TBC1D23: variants seen among roughly 807,000 people sequenced by gnomAD.
TBC1D23 encodes the protein TBC1 domain family member 23.
Under a neutral mutation model 91.4 loss-of-function variants are expected in TBC1D23, and 55 were observed. The observed-to-expected ratio is 0.60, with a 90% CI of 0.48 to 0.75. The LOEUF is 0.75. TBC1D23 is among the 30% of genes least tolerant of loss of function. The pLI is 0.00. For missense variants in TBC1D23, 725 were observed against 836.1 expected (o/e 0.87, Z 1.64); for synonymous variants, 289 against 281.0 (o/e 1.03, Z -0.28).
chr3:100,270,861 A>T (rs919495395), intron 1 of TBC1D23, among the ~76,000 whole-genome samples: 2 of 151,834 alleles, frequency 1.3e-5, no homozygotes, highest in East Asian at 1.9e-4. Context: ...CACAATATTA[A>T]TTTTTTTTAA....
chr3:100,301,876 C>G (rs1705439789), intron 10 of TBC1D23, 191 bp from the exon 11 acceptor site: 1 of 482,052 alleles, frequency 2.1e-6, no homozygotes. Flanking sequence ...AACTTTTGTT[C>G]TATTGTATTA....
In TBC1D23 at chr3:100,298,015, A is replaced by G; in HGVS notation, c.969A>G (p.Ser323=). 1 of 1,613,588 alleles carries G rather than the reference A, an allele frequency of 6.2e-7. No individual in the cohort carries two copies. Among genetic ancestry groups the G allele is most frequent in the Non-Finnish European group, 8.5e-7 (1 of 1,179,636 alleles). Residue 323 remains serine, a synonymous_variant, in exon 9 of 19, where the codon TCA becomes TCG. Coordinates refer to ENST00000394144, the MANE Select transcript of TBC1D23 (RefSeq NM_001199198.3). ...CTCTTTGTCTGGCCATCTCCGTGTCAGAGATCCTTCAAGCGAATCAGCTAC... is the reference window on the plus strand; with the variant it reads ...CTCTTTGTCTGGCCATCTCCGTGTCGGAGATCCTTCAAGCGAATCAGCTAC... ...SQALCLAISV[S]EILQANQLQG... is the part of the protein sequence containing the mutation.
At chr3:100,320,490 A>C (rs1465805244) in intron 17 of TBC1D23, among the ~76,000 whole-genome samples, 1 of 152,092 alleles carries the variant, frequency 6.6e-6, no homozygotes, top group Non-Finnish European at 1.5e-5. Flanking sequence ...ATTTCAATAA[A>C]AAATATATTA....
At chr3:100,304,790 A>T (rs1384125850) in intron 11 of TBC1D23, 56 bp from the exon 12 acceptor site, 1 of 866,496 alleles carries the variant, frequency 1.2e-6, no homozygotes, top group East Asian at 2.4e-5. Context: ...AGAACTAGCT[A>T]AAGTTTTAAT....
At chr3:100,315,364 G>A (rs140125322) in intron 15 of TBC1D23, among the ~76,000 whole-genome samples, 8 of 152,030 alleles carry the variant, frequency 5.3e-5, no homozygotes, top group East Asian at 1.9e-4. Flanking sequence ...GTTTCTCCAC[G>A]TTGGTCAGGC....
At chr3:100,321,059 TG>T (rs1311018190) in intron 18 of TBC1D23, 88 bp downstream of exon 18, 11 of 1,000,460 alleles carry the variant, frequency 1.1e-5, no homozygotes, top group Non-Finnish European at 1.6e-5. Flanking sequence ...TTCTTTATTT[TG>T]GGGAATGGAT....
chr3:100,298,289 C>T (rs1021186420), intron 9 of TBC1D23, among the ~76,000 whole-genome samples: 4 of 86,458 alleles, frequency 4.6e-5, no homozygotes, highest in African/African-American at 2.0e-4. Context: ...TTTTGTAAAT[C>T]GCCGTATCTT....
chr3:100,297,890 T>C, intron 8 of TBC1D23, 33 bp from the exon 9 acceptor site: 1 of 1,532,748 alleles, frequency 6.5e-7, no homozygotes, highest in Non-Finnish European at 8.9e-7. Flanking sequence ...TGATTTTTTT[T>C]TTCATAATGT....
In TBC1D23 at chr3:100,288,979, C is replaced by T. The variant is rs150455323; in HGVS notation, c.477-1599C>T. Reference sequence around the variant, plus strand: ...CTGTAATCCCAGCAATTTGGGAGGCCGAGGAGGGAGGATCGCTTGAGCCCA... The same window carrying T: ...CTGTAATCCCAGCAATTTGGGAGGCTGAGGAGGGAGGATCGCTTGAGCCCA... On this transcript the variant is annotated intron_variant, in intron 4 of 18. Coordinates refer to ENST00000394144, the MANE Select transcript of TBC1D23 (RefSeq NM_001199198.3). Among the ~76,000 whole-genome samples, 149 of 152,098 alleles carry T rather than the reference C, an allele frequency of 9.8e-4. 1 individual carries two copies. The highest frequency in any genetic ancestry group is 3.5e-3 in the African/African-American group (146 of 41,480).
At chr3:100,262,782 C>G (rs2067524125) in intron 1 of TBC1D23, among the ~76,000 whole-genome samples, 1 of 145,272 alleles carries the variant, frequency 6.9e-6, no homozygotes, top group Non-Finnish European at 1.5e-5. Context: ...TTTTAATAAT[C>G]TATTTAACAT....
rs1355263154 is a variant in TBC1D23, at chr3:100,304,923, G to T, written c.1306+35G>T. The T allele has an allele frequency of 1.7e-6, 2 of 1,184,426 alleles. 1 individual carries two copies. The highest frequency in any genetic ancestry group is 2.5e-5 in the South Asian group (2 of 80,490). The allele number at this position is 1,184,426 out of a possible 1,614,324, so 73.4% of individuals were successfully genotyped here. A position where few individuals can be genotyped will look rare whatever the true frequency, so the allele number is the denominator to read the frequency against. On this transcript the variant is annotated intron_variant, in intron 12 of 18. Coordinates refer to ENST00000394144, the MANE Select transcript of TBC1D23 (RefSeq NM_001199198.3). ...TGATTTATTAGTTTTTTTCCTCTATGTTTCAGAAGAAATTGTATTGATTAT... is the reference window on the plus strand; with the variant it reads ...TGATTTATTAGTTTTTTTCCTCTATTTTTCAGAAGAAATTGTATTGATTAT...
intron 1 of TBC1D23, among the ~76,000 whole-genome samples, chr3:100,266,711 A>C (rs2067560992): frequency 6.6e-6 from 1 of 152,202 alleles, no homozygotes; most frequent in South Asian, 2.1e-4. Flanking sequence ...CTGTGTAATC[A>C]CTGCAGAGAG....
At chr3:100,320,682 A>G (rs1705839098) in intron 17 of TBC1D23, 95 bp from the exon 18 acceptor site, 1 of 719,214 alleles carries the variant, frequency 1.4e-6, no homozygotes, top group Non-Finnish European at 2.1e-6. Flanking sequence ...TTTAGAGTTG[A>G]ACATTTCTAA....
intron 15 of TBC1D23, among the ~76,000 whole-genome samples, chr3:100,315,005 A>T (rs969263077): frequency 6.6e-6 from 1 of 152,018 alleles, no homozygotes; most frequent in Non-Finnish European, 1.5e-5. Context: ...ACACATTTTA[A>T]TTTTACCTGT....
intron 4 of TBC1D23, among the ~76,000 whole-genome samples, chr3:100,287,893 A>G (rs911138120): frequency 6.6e-6 from 1 of 151,554 alleles, no homozygotes; most frequent in African/African-American, 2.4e-5. Context: ...AGCTGGGACT[A>G]CACGTACATG....
At chr3:100,266,038 CTG>C (rs1282503100) in intron 1 of TBC1D23, among the ~76,000 whole-genome samples, 3 of 152,122 alleles carry the variant, frequency 2.0e-5, no homozygotes, top group Non-Finnish European at 2.9e-5. Flanking sequence ...GAAAAAGGAA[CTG>C]TTTGTCTAAG....
chr3:100,294,012 ATTAGC>A (rs918890317), intron 5 of TBC1D23, among the ~76,000 whole-genome samples: 51 of 152,228 alleles, frequency 3.4e-4, no homozygotes, highest in African/African-American at 1.2e-3. Context: ...ATAGTTTAGT[ATTAGC>A]TTAGTATTGC....
intron 5 of TBC1D23, among the ~76,000 whole-genome samples, chr3:100,291,162 C>CT (rs1374955703): frequency 3.9e-5 from 6 of 152,274 alleles, no homozygotes; most frequent in Non-Finnish European, 5.9e-5. Flanking sequence ...ACGCTGTGCT[C>CT]TATCATTCTG....
rs71132518 is a variant in TBC1D23 at position 100,309,610 on chromosome 3, C to CTTTTTTTTTTTTT, written c.1414-786_1414-774dup. Among the ~76,000 whole-genome samples, 196 of 116,096 alleles carry CTTTTTTTTTTTTT rather than the reference C, an allele frequency of 1.7e-3. 8 individuals are homozygous for CTTTTTTTTTTTTT. The highest frequency in any genetic ancestry group is 5.5e-3 in the African/African-American group (172 of 31,402). The allele number at this position is 116,096 out of a possible 152,430, so 76.2% of individuals were successfully genotyped here. ...TATCCTAAATTTTTTATTCTACCTT[C>CTTTTTTTTTTTTT]TTTTTTTTTTTTTTTTTTTGAGACA... On this transcript the variant is annotated intron_variant, in intron 13 of 18. Coordinates refer to ENST00000394144, the MANE Select transcript of TBC1D23 (RefSeq NM_001199198.3).
Sources: gnomAD v4.1 joint callset for allele counts (sites outside exome capture counted in the v4.1 genomes callset) on GRCh38, gnomAD v4.1.1 for gene constraint, MANE v1.5 for transcripts, NCBI Gene and HGNC (gene_info 2026-07-23, HGNC 2026-07-21) for gene names.